The following SEC22C variants were observed in gnomAD, a reference collection of about 807,000 sequenced individuals.
SEC22C encodes the protein SEC22 homolog C, vesicle trafficking protein.
In SEC22C, 29 loss-of-function variants were observed where a neutral mutation model predicts 34.7. The observed-to-expected ratio is 0.84, with a 90% CI of 0.62 to 1.14. The LOEUF (loss-of-function observed/expected upper bound fraction) is 1.14. Ranked by LOEUF, SEC22C falls within the 50% of genes most tolerant of loss-of-function variation. The pLI is 0.00. For missense variants in SEC22C, 337 were observed against 369.0 expected, an observed-to-expected ratio of 0.91 and a Z score of 0.71; for synonymous variants, 117 against 132.8, an observed-to-expected ratio of 0.88 and a Z score of 0.82.
intron 1 of SEC22C, chr3:42,600,925 C>T: frequency 1.8e-6 from 2 of 1,119,290 alleles, no homozygotes; most frequent in East Asian, 3.2e-5. Context: ...CGCCCTCGCC[C>T]CTGCCCTCGC....
At chr3:42,590,947 A>G (rs1464549573) in intron 1 of SEC22C, 6 of 1,581,708 alleles carry the variant, frequency 3.8e-6, no homozygotes, top group South Asian at 1.1e-5. Context: ...GCGGAAGTCA[A>G]TCAAGAGACT....
Position 42,551,334 on chromosome 3 carries a change from T to C in SEC22C, c.*1914A>G. On this transcript the variant is annotated 3_prime_UTR_variant, in exon 7 of 7. Transcript: ENST00000264454. ...AGTTTATGTCTGAGTATGCTGCCAATATAATTTTCATATTCAGACTTTTTA... is the reference window on the plus strand; with the variant it reads ...AGTTTATGTCTGAGTATGCTGCCAACATAATTTTCATATTCAGACTTTTTA... The C allele has an allele frequency of 1.0e-6, 1 of 985,334 alleles. No homozygotes were observed. The allele number at this position is 985,334 out of a possible 1,614,324, so 61.0% of individuals were successfully genotyped here. A position where few individuals can be genotyped will look rare whatever the true frequency, so the allele number is the denominator to read the frequency against.
At chr3:42,563,383 A>C in intron 3 of SEC22C, 140 bp downstream of exon 3, 3 of 659,876 alleles carry the variant, frequency 4.5e-6, no homozygotes, top group Non-Finnish European at 7.7e-6. Context: ...ATGAAATCTC[A>C]TGGTACAAGT....
upstream of SEC22C, among the ~76,000 whole-genome samples, chr3:42,586,148 C>G (rs116011227): frequency 6.6e-6 from 1 of 152,316 alleles, no homozygotes; most frequent in Admixed American, 6.5e-5. Flanking sequence ...ATTTCTCAGT[C>G]CCCTGCAGTT....
chr3:42,582,528 C>T (rs1704452650), upstream of SEC22C, among the ~76,000 whole-genome samples: 1 of 152,258 alleles, frequency 6.6e-6, no homozygotes, highest in African/African-American at 2.4e-5. Context: ...CAGAGTCCGT[C>T]CATTTATTCA....
At chr3:42,556,304 C>T (rs957281085) in intron 5 of SEC22C, among the ~76,000 whole-genome samples, 1 of 152,236 alleles carries the variant, frequency 6.6e-6, no homozygotes, top group African/African-American at 2.4e-5. Flanking sequence ...TCTAATTCCT[C>T]CCATCTCCAG....
In SEC22C at chr3:42,557,583, A is replaced by G. The variant is rs780202090; in HGVS notation, c.640T>C (p.Leu214=). ...IRGVHLAEHS[L]QVAHEEIGNI... ...AAAAAAAAAAAAAAGGTTACCTGTAAAGAATGTTCTGCAAGGTGAACTCCT... is the reference window on the plus strand; with the variant it reads ...AAAAAAAAAAAAAAGGTTACCTGTAGAGAATGTTCTGCAAGGTGAACTCCT... The change falls in exon 5 of 7, where the codon TTA becomes CTA. Residue 214 remains leucine (L), a synonymous_variant. Coordinates refer to ENST00000264454, the MANE Select transcript of SEC22C (RefSeq NM_032970.4). 1.0e-5 allele frequency: 16 copies of G among 1,527,132 alleles called. No homozygotes were observed. Among genetic ancestry groups the G allele is most frequent in the Admixed American group, 1.9e-5 (1 of 52,146 alleles). The allele number at this position is 1,527,132 out of a possible 1,614,324, so 94.6% of individuals were successfully genotyped here. A position where few individuals can be genotyped will look rare whatever the true frequency, so the allele number is the denominator to read the frequency against.
chr3:42,571,259 T>A (rs1703607346), intron 1 of SEC22C, among the ~76,000 whole-genome samples: 1 of 152,216 alleles, frequency 6.6e-6, no homozygotes, highest in African/African-American at 2.4e-5. Context: ...TACTTCTCCA[T>A]CCTATCCTTT....
chr3:42,582,548 T>C (rs1704453127), upstream of SEC22C, among the ~76,000 whole-genome samples: 1 of 152,240 alleles, frequency 6.6e-6, no homozygotes, highest in African/African-American at 2.4e-5. Flanking sequence ...ATTTAGCAAG[T>C]ATTGAGCACC....
chr3:42,585,954 G>A (rs1197584068), upstream of SEC22C, among the ~76,000 whole-genome samples: 5 of 146,470 alleles, frequency 3.4e-5, no homozygotes, highest in African/African-American at 1.3e-4. Flanking sequence ...CCCCTCCCCC[G>A]CTTGCTCTCC....
chr3:42,591,633 G>T, intron 1 of SEC22C: 1 of 1,471,996 alleles, frequency 6.8e-7, no homozygotes, highest in Non-Finnish European at 9.5e-7. Context: ...CCCCTGACCT[G>T]TGGGTAGAGG....
chr3:42,571,022 T>C (rs1311788494), intron 1 of SEC22C, among the ~76,000 whole-genome samples: 1 of 152,198 alleles, frequency 6.6e-6, no homozygotes, highest in Non-Finnish European at 1.5e-5. Context: ...GGTACTTTTT[T>C]GGGAGCTGAG....
rs1702213229 is a variant in SEC22C, at chr3:42,550,762, T to C, written c.*2486A>G. 1 of 985,354 alleles carries C rather than the reference T, an allele frequency of 1.0e-6. No individual in the cohort carries two copies. Among genetic ancestry groups the C allele is most frequent in the Non-Finnish European group, 1.2e-6 (1 of 829,918 alleles). 61.0% of individuals were successfully genotyped at this position (985,354 alleles called of 1,614,324 possible). On this transcript the variant is annotated 3_prime_UTR_variant, in exon 7 of 7. Coordinates refer to ENST00000264454, the MANE Select transcript of SEC22C (RefSeq NM_032970.4). ...CCGTTTCTTTACTGCCTGCTGAATA[T>C]GGATCATAGGCTCAGATGCCCAAAG...
At chr3:42,600,954 C>T in intron 1 of SEC22C, 2 of 1,464,894 alleles carry the variant, frequency 1.4e-6, no homozygotes, top group Non-Finnish European at 9.2e-7. Context: ...TCGCCCCTGC[C>T]CTGACCGCTT....
intron 1 of SEC22C, among the ~76,000 whole-genome samples, chr3:42,597,837 C>A (rs1705074080): frequency 6.6e-6 from 1 of 152,186 alleles, no homozygotes; most frequent in South Asian, 2.1e-4. Context: ...TAAGTGAGCC[C>A]AATTTCCAAA....
At chr3:42,590,835 G>T in intron 1 of SEC22C, 1 of 1,553,276 alleles carries the variant, frequency 6.4e-7, no homozygotes, top group Non-Finnish European at 8.9e-7. Flanking sequence ...AACTTCGAGA[G>T]CGTAGGCCCC....
At chr3:42,564,408 C>CT (rs1339095393) in intron 2 of SEC22C, 6 of 153,374 alleles carry the variant, frequency 3.9e-5, no homozygotes, top group Non-Finnish European at 8.7e-5. Context: ...CCCTATGGGA[C>CT]TTTTTTTTGT....
intron 1 of SEC22C, among the ~76,000 whole-genome samples, chr3:42,571,893 C>T (rs532376892): frequency 2.6e-5 from 4 of 152,254 alleles, no homozygotes; most frequent in African/African-American, 7.2e-5. Context: ...ATTAGCCGGG[C>T]GTGGTGGCAC....
intron 4 of SEC22C, among the ~76,000 whole-genome samples, chr3:42,560,532 A>C (rs1702838439): frequency 6.6e-6 from 1 of 151,132 alleles, no homozygotes; most frequent in Non-Finnish European, 1.5e-5. Context: ...AAAAAAAAGA[A>C]GAAGAAGAAG....
Sources: gnomAD v4.1 joint callset for allele counts (sites outside exome capture counted in the v4.1 genomes callset) on GRCh38, gnomAD v4.1.1 for gene constraint, MANE v1.5 for transcripts, NCBI Gene and HGNC (gene_info 2026-07-23, HGNC 2026-07-21) for gene names.